The following PMM2 variants were observed in gnomAD, a reference collection of about 807,000 sequenced individuals.
The protein encoded by PMM2 is mannose-6-phosphate isomerase.
In PMM2, 35 loss-of-function variants were observed where a neutral mutation model predicts 33.2. The observed-to-expected ratio is 1.06, with a 90% CI of 0.81 to 1.40. The LOEUF is 1.40. Ranked by LOEUF, PMM2 falls within the 40% of genes most tolerant of loss-of-function variation. The probability of loss-of-function intolerance (pLI) is 0.00; values close to 1 mark genes in which losing one functional copy is unlikely to be tolerated. For missense variants in PMM2, 386 were observed against 306.0 expected (o/e 1.26, Z -1.95); for synonymous variants, 153 against 114.7 (o/e 1.33, Z -2.13).
chr16:8,798,097 A>G, intron 1 of PMM2, 149 bp downstream of exon 1: 2 of 753,726 alleles, frequency 2.7e-6, no homozygotes, highest in South Asian at 3.0e-5. Context: ...GGTGCACTGG[A>G]GGAATGAGAG....
chr16:8,816,521 A>G (rs2060708995), intron 7 of PMM2, among the ~76,000 whole-genome samples: 1 of 151,278 alleles, frequency 6.6e-6, no homozygotes, highest in African/African-American at 2.4e-5. Flanking sequence ...TGGGCGGATC[A>G]CCTGAGGTCA....
intron 7 of PMM2, among the ~76,000 whole-genome samples, chr16:8,845,849 G>A (rs558433078): frequency 2.7e-5 from 4 of 149,344 alleles, no homozygotes; most frequent in South Asian, 4.3e-4. Context: ...TGGCACTGTT[G>A]GACACAGTCT....
At chr16:8,843,226 C>T (rs1411833069) in intron 7 of PMM2, among the ~76,000 whole-genome samples, 3 of 152,040 alleles carry the variant, frequency 2.0e-5, no homozygotes, top group Non-Finnish European at 4.4e-5. Flanking sequence ...GAAAAGAAGG[C>T]AACATGGAGT....
intron 6 of PMM2, among the ~76,000 whole-genome samples, chr16:8,812,415 A>G (rs1445165404): frequency 3.3e-5 from 5 of 152,234 alleles, no homozygotes; most frequent in Non-Finnish European, 7.4e-5. Context: ...TCATCAAGGT[A>G]GAGGTTGTAG....
At chr16:8,832,284 C>G (rs896726194) in intron 7 of PMM2, 2 of 985,322 alleles carry the variant, frequency 2.0e-6, no homozygotes, top group African/African-American at 3.5e-5. Flanking sequence ...GCGAGCCGTG[C>G]GGCTCTCTGA....
chr16:8,822,062 G>A (rs1235723242), intron 7 of PMM2, among the ~76,000 whole-genome samples: 2 of 152,220 alleles, frequency 1.3e-5, no homozygotes, highest in Non-Finnish European at 2.9e-5. Context: ...ACAGGAGACT[G>A]GAGTTTTATT....
chr16:8,825,731 A>T (rs1353583567), intron 7 of PMM2, among the ~76,000 whole-genome samples: 4 of 151,714 alleles, frequency 2.6e-5, no homozygotes, highest in African/African-American at 9.7e-5. Context: ...TTTGTTAACA[A>T]ATCAGTGTTC....
intron 7 of PMM2, among the ~76,000 whole-genome samples, chr16:8,824,733 A>C (rs1376547006): frequency 6.6e-6 from 1 of 152,112 alleles, no homozygotes; most frequent in East Asian, 1.9e-4. Flanking sequence ...AGATATCACA[A>C]AGTAGAATCC....
At chr16:8,813,190 C>G (rs762552986) in intron 7 of PMM2, 84 bp downstream of exon 7, 2 of 909,880 alleles carry the variant, frequency 2.2e-6, no homozygotes, top group African/African-American at 3.3e-5. Flanking sequence ...TTTTCCTGTA[C>G]CTACACTTTA....
chr16:8,820,380 G>T (rs1250323109), intron 7 of PMM2, among the ~76,000 whole-genome samples: 1 of 135,592 alleles, frequency 7.4e-6, no homozygotes, highest in Non-Finnish European at 1.5e-5. Flanking sequence ...CTGAGACAAG[G>T]TCTCACTCTG....
intron 4 of PMM2, chr16:8,810,539 ATATAT>A (rs1216696424): frequency 6.5e-6 from 1 of 153,366 alleles, no homozygotes; most frequent in Non-Finnish European, 1.4e-5. Context: ...AATTTTAATA[ATATAT>A]TTTATTTAGC....
chr16:8,818,119 G>T (rs1487869882), intron 7 of PMM2, among the ~76,000 whole-genome samples: 1 of 152,112 alleles, frequency 6.6e-6, no homozygotes. Context: ...AGCCAGGATG[G>T]TCATGATCTC....
intron 7 of PMM2, among the ~76,000 whole-genome samples, chr16:8,843,203 GA>G (rs769478235): frequency 7.9e-5 from 12 of 152,116 alleles, no homozygotes; most frequent in Non-Finnish European, 1.6e-4. Context: ...GGAGGCAAGG[GA>G]AACAGGCCCT....
intron 7 of PMM2, among the ~76,000 whole-genome samples, chr16:8,845,426 C>G (rs1029939667): frequency 6.6e-6 from 1 of 152,092 alleles, no homozygotes; most frequent in African/African-American, 2.4e-5. Flanking sequence ...ATAGGGGATG[C>G]GATGGCTTGG....
chr16:8,818,730 C>T (rs2060721217), intron 7 of PMM2, among the ~76,000 whole-genome samples: 1 of 149,776 alleles, frequency 6.7e-6, no homozygotes, highest in Middle Eastern at 3.4e-3. Flanking sequence ...TGGCGTTGGC[C>T]GTTGCTTTTC....
chr16:8,843,196 G>A (rs1173152467), intron 7 of PMM2, among the ~76,000 whole-genome samples: 3 of 152,258 alleles, frequency 2.0e-5, no homozygotes, highest in East Asian at 3.9e-4. Context: ...CAGTTATGGA[G>A]GCAAGGGAAA....
intron 7 of PMM2, among the ~76,000 whole-genome samples, chr16:8,814,885 G>A (rs1377404859): frequency 6.6e-6 from 1 of 152,116 alleles, no homozygotes; most frequent in Non-Finnish European, 1.5e-5. Flanking sequence ...GTACAATACA[G>A]TATTGTTAAC....
intron 1 of PMM2, among the ~76,000 whole-genome samples, chr16:8,800,799 T>G (rs1424157014): frequency 6.6e-6 from 1 of 152,078 alleles, no homozygotes; most frequent in African/African-American, 2.4e-5. Context: ...TTCTCCTGCC[T>G]CAGCCTCCCG....
intron 7 of PMM2, among the ~76,000 whole-genome samples, chr16:8,820,216 A>G (rs1429185627): frequency 6.6e-6 from 1 of 152,068 alleles, no homozygotes; most frequent in Non-Finnish European, 1.5e-5. Flanking sequence ...ATAAAGAAAA[A>G]CAAAATTAGC....
Sources: allele counts gnomAD v4.1 joint callset (sites outside exome capture counted in the v4.1 genomes callset), GRCh38; gene constraint gnomAD v4.1.1; transcripts MANE v1.5; gene names NCBI Gene and HGNC (gene_info 2026-07-23, HGNC 2026-07-21).